DPRX: variants seen among roughly 807,000 people sequenced by gnomAD.
DPRX encodes divergent paired-related homeobox.
A neutral mutation model predicts 8.4 loss-of-function variants in DPRX; 11 were observed. The ratio of observed to expected loss-of-function variants is 1.31; its 90% CI spans 0.82 to 2.17. DPRX has a LOEUF of 2.17. Ranked by LOEUF, DPRX falls within the 30% of genes most tolerant of loss-of-function variation. The pLI is 0.00. For synonymous variants in DPRX, 72 were observed against 87.0 expected, an observed-to-expected ratio of 0.83 and a Z score of 0.96; for missense variants, 211 against 236.7, an observed-to-expected ratio of 0.89 and a Z score of 0.71.
At chr19:53,630,566 T>C (rs2091088759), upstream of DPRX, among the ~76,000 whole-genome samples, 1 of 151,472 alleles carries the variant, frequency 6.6e-6, no homozygotes, top group Non-Finnish European at 1.5e-5. Flanking sequence ...TGGGGGCAAA[T>C]GTAGGAGGAT....
chr19:53,636,932 C>G, exon 3 of DPRX: 1 of 1,613,278 alleles, frequency 6.2e-7, no homozygotes, highest in African/African-American at 1.3e-5. Flanking sequence ...AGTTTGCGCT[C>G]CAAGCTTCCA....
chr19:53,625,938 C>T, the DPRX span, among the ~76,000 whole-genome samples: 2 of 151,004 alleles, frequency 1.3e-5, no homozygotes, highest in Admixed American at 1.3e-4. Context: ...GTGCCCAGTG[C>T]CCCCCCTTTT....
At chr19:53,609,495 A>C in the DPRX span, among the ~76,000 whole-genome samples, 2 of 104,186 alleles carry the variant, frequency 1.9e-5, no homozygotes, top group African/African-American at 7.4e-5. Flanking sequence ...AAAAAAAAAA[A>C]AACAACCAAA....
At chr19:53,626,642 C>A in the DPRX span, among the ~76,000 whole-genome samples, 1 of 152,162 alleles carries the variant, frequency 6.6e-6, no homozygotes, top group Non-Finnish European at 1.5e-5. Flanking sequence ...AGACTCCTTC[C>A]CAGGACTGGT....
chr19:53,634,487 G>A (rs1289598585), intron 1 of DPRX, 44 bp from the exon 2 acceptor site: 6 of 1,582,678 alleles, frequency 3.8e-6, no homozygotes, highest in Non-Finnish European at 5.1e-6. Context: ...TGAGAATGGA[G>A]TTGTTAGCAT....
chr19:53,613,592 C>A, the DPRX span, among the ~76,000 whole-genome samples: 1 of 151,566 alleles, frequency 6.6e-6, no homozygotes, highest in African/African-American at 2.4e-5. Context: ...ACTCCTGACC[C>A]CAAGGGATCT....
intron 2 of DPRX, 110 bp downstream of exon 2, chr19:53,634,795 A>G (rs2091106098): frequency 1.4e-6 from 2 of 1,410,710 alleles, no homozygotes; most frequent in African/African-American, 2.9e-5. Flanking sequence ...ATATTCCCCA[A>G]ACCCACACTC....
the DPRX span, chr19:53,608,247 A>C: frequency 6.6e-6 from 1 of 152,078 alleles, no homozygotes; most frequent in South Asian, 2.1e-4. Flanking sequence ...AAAAAAAATA[A>C]AATAAACCTG....
At chr19:53,602,037 A>G in the DPRX span, 1 of 456,612 alleles carries the variant, frequency 2.2e-6, no homozygotes, top group Non-Finnish European at 4.4e-6. Flanking sequence ...CTGTCTCCAG[A>G]CGGTGAAAGT....
chr19:53,602,141 G>A, the DPRX span: 2 of 456,550 alleles, frequency 4.4e-6, no homozygotes, highest in African/African-American at 2.0e-5. Flanking sequence ...CCAATACCAG[G>A]CATAGCATGG....
the DPRX span, among the ~76,000 whole-genome samples, chr19:53,619,851 T>C: frequency 1.2e-5 from 1 of 80,180 alleles, no homozygotes; most frequent in Non-Finnish European, 2.6e-5. Flanking sequence ...TGAGACTCTA[T>C]CTCAAAAAAA....
chr19:53,632,212 G>A (rs777784381), intron 1 of DPRX, 78 bp downstream of exon 1: 94 of 1,604,050 alleles, frequency 5.9e-5, no homozygotes, highest in Non-Finnish European at 7.9e-5. Context: ...AAAGGCAGAG[G>A]GACCAGGCGG....
the DPRX span, chr19:53,603,429 G>A: frequency 4.4e-6 from 2 of 456,304 alleles, no homozygotes; most frequent in African/African-American, 4.0e-5. Flanking sequence ...CCACAGACTC[G>A]CCGGAGTGCT....
chr19:53,612,099 C>A, the DPRX span, among the ~76,000 whole-genome samples: 1 of 150,858 alleles, frequency 6.6e-6, no homozygotes, highest in African/African-American at 2.4e-5. Flanking sequence ...AAAAAGTAAG[C>A]TGGGTGGTGC....
intron 1 of DPRX, among the ~76,000 whole-genome samples, chr19:53,632,533 A>G (rs1034285163): frequency 6.6e-6 from 1 of 150,584 alleles, no homozygotes; most frequent in African/African-American, 2.4e-5. Flanking sequence ...CTGGTCTCGA[A>G]CTCCTGACCT....
At chr19:53,607,702 A>AC in the DPRX span, among the ~76,000 whole-genome samples, 2,860 of 149,542 alleles carry the variant, frequency 0.019, 95 homozygotes, top group African/African-American at 0.068. Flanking sequence ...AAAAAAAAAA[A>AC]AACCAAATTG....
intron 1 of DPRX, among the ~76,000 whole-genome samples, chr19:53,633,767 C>T (rs1276572382): frequency 1.3e-5 from 2 of 152,204 alleles, no homozygotes; most frequent in African/African-American, 4.8e-5. Context: ...CTTGGCCTCC[C>T]AAAGTGCTGG....
At chr19:53,617,395 C>T in the DPRX span, 1 of 425,072 alleles carries the variant, frequency 2.4e-6, no homozygotes, top group South Asian at 2.1e-5. Context: ...CCCATCCCTA[C>T]TACAAATACA....
At chr19:53,604,725 C>A in the DPRX span, among the ~76,000 whole-genome samples, 1 of 152,056 alleles carries the variant, frequency 6.6e-6, no homozygotes, top group African/African-American at 2.4e-5. Context: ...TGCCTGTAAT[C>A]CCAGCTACTC....
Sources: allele counts gnomAD v4.1 joint callset (sites outside exome capture counted in the v4.1 genomes callset), GRCh38; gene constraint gnomAD v4.1.1; transcripts MANE v1.5; gene names NCBI Gene and HGNC (gene_info 2026-07-23, HGNC 2026-07-21).